Variants in OXA1L observed in about 807,000 individuals in gnomAD.
OXA1L encodes the protein mitochondrial inner membrane protein OXA1L.
A neutral mutation model predicts 52.2 loss-of-function variants in OXA1L; 42 were observed. That is an observed-to-expected ratio of 0.80 (90% CI 0.63 to 1.04). The LOEUF is 1.04. Ranked by LOEUF, OXA1L falls within the 50% of genes least tolerant of loss-of-function variation. The pLI, the probability that OXA1L is intolerant of heterozygous loss-of-function variation, is 0.00. For synonymous variants in OXA1L, 239 were observed against 201.9 expected, an observed-to-expected ratio of 1.18 and a Z score of -1.56; for missense variants, 572 against 555.0, an observed-to-expected ratio of 1.03 and a Z score of -0.31.
intron 2 of OXA1L, 122 bp downstream of exon 2, chr14:22,767,531 T>A: frequency 1.3e-6 from 1 of 768,130 alleles, no homozygotes; most frequent in Non-Finnish European, 2.1e-6. Flanking sequence ...CACACAGCTC[T>A]CCAAAATGAT....
rs775333121 is a variant in OXA1L at position 22,771,208 on chromosome 14, ACTAGGGAAAGGGGT to A, written c.1102+32_1103-43del. The A allele has an allele frequency of 1.5e-5, 24 of 1,613,282 alleles. No individual in the cohort carries two copies. In the African/African-American group the frequency reaches 2.9e-4, roughly 20 times the overall value. The stretch of plus-strand genomic sequence containing the variant: ...AAGGGCTCATCCTCTGTGAAAAAGG[ACTAGGGAAAGGGGT>A]CTAAAAATAGGAATGCAACTGACTC... On this transcript the variant is annotated intron_variant, in intron 8 of 9. Transcript: ENST00000612549.
At chr14:22,767,153 G>C (rs996956762) in intron 1 of OXA1L, 95 bp from the exon 2 acceptor site, 12 of 1,541,842 alleles carry the variant, frequency 7.8e-6, no homozygotes, top group African/African-American at 5.5e-5. Flanking sequence ...CGAGCTGCCT[G>C]CTTCTTGGGG....
intron 4 of OXA1L, 117 bp from the exon 5 acceptor site, chr14:22,770,076 G>A: frequency 2.2e-6 from 3 of 1,365,918 alleles, no homozygotes; most frequent in South Asian, 2.4e-5. Flanking sequence ...TAGACCTAAT[G>A]CTCCCAAGGA....
rs755185718 is a variant in OXA1L, at chr14:22,767,257, G to A, written c.73G>A (p.Val25Ile). ...LLQSGRRVHS[V>I]AGPSQWLGKP... ...CCTTTTACACGCTCAGGTCCACAGC[G>A]TCGCAGGGCCCTCGCAATGGCTTGG... Residue 25 changes from valine to isoleucine, a missense_variant, in exon 2 of 10, where the codon GTC (valine) becomes ATC (isoleucine). Val to Ile is a conservative substitution (Grantham distance 29). Transcript: ENST00000612549. 4.4e-6 allele frequency: 7 copies of A among 1,609,130 alleles called. No homozygotes were observed. The highest frequency in any genetic ancestry group is 1.7e-5 in the Admixed American group (1 of 58,932).
At chr14:22,770,091 C>T (rs1344935395) in intron 4 of OXA1L, 102 bp from the exon 5 acceptor site, 5 of 1,344,928 alleles carry the variant, frequency 3.7e-6, no homozygotes, top group Non-Finnish European at 5.3e-6. Context: ...CAAGGAGTGG[C>T]CAGGGTTGGT....
intron 2 of OXA1L, 170 bp from the exon 3 acceptor site, chr14:22,767,786 CTA>C (rs2038422278): frequency 1.8e-6 from 1 of 553,726 alleles, no homozygotes; most frequent in Non-Finnish European, 3.2e-6. Flanking sequence ...CTCTTCCTAA[CTA>C]TTGATAAAAA....
intron 1 of OXA1L, 161 bp downstream of exon 1, chr14:22,766,925 G>T: frequency 6.6e-7 from 1 of 1,512,402 alleles, no homozygotes; most frequent in Non-Finnish European, 8.8e-7. Flanking sequence ...GTTAGTCCCC[G>T]ACACTATGGG....
At position 22,768,022 on chromosome 14, in the gene OXA1L, G is replaced by C. The variant is rs1269495546; in HGVS notation, c.290G>C (p.Gly97Ala). 2 of 1,614,212 alleles carry C rather than the reference G, an allele frequency of 1.2e-6. No individual in the cohort carries two copies. Among genetic ancestry groups the C allele is most frequent in the Admixed American group, 3.3e-5 (2 of 60,026 alleles). Residue 97 changes from glycine (G) to alanine (A), a missense_variant, in exon 3 of 10, where the codon GGA (glycine) becomes GCA (alanine). This residue lies in a region of OXA1L where 186 missense variants were observed against 151.8 expected (regional missense o/e 1.23). Coordinates refer to ENST00000612549, the MANE Select transcript of OXA1L (RefSeq NM_005015.5). ...SPTAVPEVAS[G>A]ETADVVQTAA... is the part of the protein sequence containing the mutation. ...ACAGCAGTACCTGAGGTGGCTTCTG[G>C]AGAGACTGCAGATGTAGTCCAAACT... is the stretch of plus-strand genomic sequence containing the variant.
In OXA1L at chr14:22,769,828, C is replaced by T. The variant is rs753202568; in HGVS notation, c.477C>T (p.Ile159=). 1.8e-4 allele frequency: 285 copies of T among 1,614,142 alleles called. 2 individuals are homozygous for T. In the South Asian group the frequency reaches 2.2e-3, roughly 12 times the overall value. The change falls in exon 4 of 10, where the codon ATC becomes ATT. Residue 159 remains isoleucine, a synonymous_variant. Transcript: ENST00000612549. ...CCCGCTGCCTGATTTTTCCTCTCATCGTGACGGGCCAGCGAGAGGCAGCCA... is the reference window on the plus strand; with the variant it reads ...CCCGCTGCCTGATTTTTCCTCTCATTGTGACGGGCCAGCGAGAGGCAGCCA... ...VFARCLIFPL[I]VTGQREAARI...
In OXA1L at chr14:22,770,328, CCTCT is replaced by C. The variant is rs918017283; in HGVS notation, c.669+53_669+56del. 18 of 1,526,076 alleles carry C rather than the reference CCTCT, an allele frequency of 1.2e-5. No individual in the cohort carries two copies. In the Admixed American group the frequency reaches 2.7e-4, roughly 23 times the overall value. 94.5% of individuals were successfully genotyped at this position (1,526,076 alleles called of 1,614,324 possible). On this transcript the variant is annotated intron_variant, in intron 5 of 9. Transcript: ENST00000612549. ...ATTTCATCCAGTACCCATGAAATTT[CCTCT>C]CTGTGTTTCATGTGTCCCAGGTCCC...
chr14:22,771,612 T>C lies in OXA1L; in HGVS notation c.*54T>C, dbSNP rs1278128059. Reference sequence around the variant, plus strand: ...ATTCTGTCTCTTCAGAGACTCATCCTCAAAACAAGACTTGACACTGTGTCC... The same window carrying C: ...ATTCTGTCTCTTCAGAGACTCATCCCCAAAACAAGACTTGACACTGTGTCC... On this transcript the variant is annotated 3_prime_UTR_variant, in exon 10 of 10. Coordinates refer to ENST00000612549, the MANE Select transcript of OXA1L (RefSeq NM_005015.5). The C allele has an allele frequency of 2.5e-5, 40 of 1,590,510 alleles. No homozygotes were observed. The East Asian group carries it at 8.9e-4, about 36-fold the overall frequency.
At position 22,772,461 on chromosome 14, in the gene OXA1L, C is replaced by A. The variant is rs1174990132; in HGVS notation, c.*903C>A. 2 of 131,918 alleles carry A rather than the reference C, an allele frequency of 1.5e-5. No individual in the cohort carries two copies. The highest frequency in any genetic ancestry group is 3.1e-5 in the Non-Finnish European group (2 of 65,264). 8.2% of individuals were successfully genotyped at this position (131,918 alleles called of 1,614,324 possible). A position where few individuals can be genotyped will look rare whatever the true frequency, so the allele number is the denominator to read the frequency against. ...CCGAGATTGCGCCACTGCACTCCAG[C>A]CTGGGCAAGAGAGTGAGACTCCTTC... is the stretch of plus-strand genomic sequence containing the variant. On this transcript the variant is annotated 3_prime_UTR_variant, in exon 10 of 10. Transcript: ENST00000612549.
Position 22,771,630 on chromosome 14 carries a change from CTGTGT to C in OXA1L, c.*73_*77del. Reference sequence around the variant, plus strand: ...CTCATCCTCAAAACAAGACTTGACACTGTGTCCTTGCCCCAGTCCTAGGAACTGTG... The same window carrying C: ...CTCATCCTCAAAACAAGACTTGACACCCTTGCCCCAGTCCTAGGAACTGTG... On this transcript the variant is annotated 3_prime_UTR_variant, in exon 10 of 10. Coordinates refer to ENST00000612549, the MANE Select transcript of OXA1L (RefSeq NM_005015.5). 2.7e-6 allele frequency: 4 copies of C among 1,508,590 alleles called. No homozygotes were observed. The highest frequency in any genetic ancestry group is 3.7e-6 in the Non-Finnish European group (4 of 1,086,914). 93.5% of individuals were successfully genotyped at this position (1,508,590 alleles called of 1,614,324 possible). A position where few individuals can be genotyped will look rare whatever the true frequency, so the allele number is the denominator to read the frequency against.
At position 22,766,721 on chromosome 14, in the gene OXA1L, G is replaced by A; in HGVS notation, c.20G>A (p.Cys7Tyr). 1 of 1,614,268 alleles carries A rather than the reference G, an allele frequency of 6.2e-7. No individual in the cohort carries two copies. The highest frequency in any genetic ancestry group is 8.5e-7 in the Non-Finnish European group (1 of 1,180,052). MAMGLM[C>Y]GRRELLRLLQ... Reference sequence around the variant, plus strand: ...GGCAAAATGGCGATGGGACTAATGTGCGGACGCCGGGAGCTTCTGCGCTTG... The same window carrying A: ...GGCAAAATGGCGATGGGACTAATGTACGGACGCCGGGAGCTTCTGCGCTTG... The change falls in exon 1 of 10, where the codon TGC becomes TAC. Residue 7 changes from cysteine to tyrosine, a missense_variant. By Grantham distance (194) the Cys-to-Tyr change is radical. Around this residue, in one of 5 missense-constraint regions of OXA1L, gnomAD observed 186 missense variants for 151.8 expected, o/e 1.23. Coordinates refer to ENST00000612549, the MANE Select transcript of OXA1L (RefSeq NM_005015.5).
intron 3 of OXA1L, chr14:22,768,383 T>C (rs2038429139): frequency 3.5e-6 from 2 of 579,596 alleles, no homozygotes; most frequent in Admixed American, 5.9e-5. Flanking sequence ...ATTCAAGAAG[T>C]GTAGATATTT....
chr14:22,766,709 T>C lies in OXA1L; in HGVS notation c.8T>C (p.Met3Thr). 2 of 1,614,280 alleles carry C rather than the reference T, an allele frequency of 1.2e-6. No individual in the cohort carries two copies. Among genetic ancestry groups the C allele is most frequent in the Non-Finnish European group, 1.7e-6 (2 of 1,180,046 alleles). The change falls in exon 1 of 10, where the codon ATG (methionine) becomes ACG (threonine). Residue 3 changes from methionine (M) to threonine (T), a missense_variant. By Grantham distance (81) the Met-to-Thr change is moderately conservative. This residue lies in a region of OXA1L where 186 missense variants were observed against 151.8 expected (regional missense o/e 1.23). Coordinates refer to ENST00000612549, the MANE Select transcript of OXA1L (RefSeq NM_005015.5). MA[M>T]GLMCGRRELL... Reference sequence around the variant, plus strand: ...AGTCCTCTTCCGGGCAAAATGGCGATGGGACTAATGTGCGGACGCCGGGAG... The same window carrying C: ...AGTCCTCTTCCGGGCAAAATGGCGACGGGACTAATGTGCGGACGCCGGGAG...
At chr14:22,769,018 G>C (rs960360259) in intron 3 of OXA1L, 1 of 152,056 alleles carries the variant, frequency 6.6e-6, no homozygotes, top group African/African-American at 2.4e-5. Context: ...CACCTCCCAG[G>C]TTCTAGCGAT....
chr14:22,771,246 T>A (rs112361355), intron 8 of OXA1L, 22 bp from the exon 9 acceptor site: 3 of 1,613,316 alleles, frequency 1.9e-6, no homozygotes, highest in East Asian at 2.2e-5. Flanking sequence ...TGCAACTGAC[T>A]CTCTTGCTTC....
In OXA1L at chr14:22,766,752, G is replaced by C. The variant is rs902583066; in HGVS notation, c.51G>C (p.Gln17His). ...GCCGGGAGCTTCTGCGCTTGCTACA[G>C]TCCGGGCGTCGGGTAAGGATGCCCC... Reference protein sequence around the residue: ...CGRRELLRLLQSGRRVHSVAG... With the variant: ...CGRRELLRLLHSGRRVHSVAG... The change falls in exon 1 of 10, where the codon CAG becomes CAC. Residue 17 changes from glutamine to histidine, a missense_variant. Gln to His is a conservative substitution (Grantham distance 24). Transcript: ENST00000612549. 2.5e-6 allele frequency: 4 copies of C among 1,614,102 alleles called. No homozygotes were observed. Among genetic ancestry groups the C allele is most frequent in the Non-Finnish European group, 3.4e-6 (4 of 1,180,050 alleles).
Sources: gnomAD v4.1 joint callset for allele counts on GRCh38, gnomAD v4.1.1 for gene constraint, gnomAD v4.1.1 regional missense constraint, MANE v1.5 for transcripts, NCBI Gene and HGNC (gene_info 2026-07-23, HGNC 2026-07-21) for gene names.